Variants in PLN observed in about 807,000 individuals in gnomAD.
PLN encodes the protein phospholamban, also known as cardiac phospholamban.
A neutral mutation model predicts 3.9 loss-of-function variants in PLN; 1 was observed. The ratio of observed to expected loss-of-function variants is 0.26; its 90% CI spans 0.09 to 1.23. PLN has a LOEUF of 1.23. Among genes scored for constraint, PLN ranks in the 50% most tolerant of loss-of-function variants. The pLI, the probability that PLN is intolerant of heterozygous loss-of-function variation, is 0.48. For synonymous variants in PLN, 21 were observed against 20.5 expected, an observed-to-expected ratio of 1.02 and a Z score of -0.07; for missense variants, 59 against 62.7, an observed-to-expected ratio of 0.94 and a Z score of 0.20.
intron 1 of PLN, among the ~76,000 whole-genome samples, chr6:118,558,056 C>T (rs1031301037): frequency 8.6e-4 from 130 of 151,960 alleles, no homozygotes; most frequent in African/African-American, 3.0e-3. Context: ...CCCCTGCCTC[C>T]TGGGCTCCAG....
At chr6:118,556,734 A>G (rs1778901531) in intron 1 of PLN, among the ~76,000 whole-genome samples, 1 of 152,198 alleles carries the variant, frequency 6.6e-6, no homozygotes. Context: ...GTTAACAGTC[A>G]CTATGTCTGG....
Position 118,559,118 on chromosome 6 carries a change from T to C in PLN, c.*38T>C. The stretch of plus-strand genomic sequence containing the variant: ...ACCTCTAGATCTGCAGCTTGCCACA[T>C]CAGCTTAAAATCTGTCATCCCATGC... On this transcript the variant is annotated 3_prime_UTR_variant, in exon 2 of 2. Coordinates refer to ENST00000357525, the MANE Select transcript of PLN (RefSeq NM_002667.5). The C allele has an allele frequency of 1.3e-6, 2 of 1,531,584 alleles. No homozygotes were observed. The highest frequency in any genetic ancestry group is 4.5e-5 in the East Asian group (2 of 44,442). The allele number at this position is 1,531,584 out of a possible 1,614,324, so 94.9% of individuals were successfully genotyped here.
In PLN at chr6:118,553,809, C is replaced by A. The variant is rs559467083; in HGVS notation, c.-97-5016C>A. ...CTCTGTATTTCACAAATACTAAAAACCCATTTATACAAAGCCTAGTTCAGG... is the reference window on the plus strand; with the variant it reads ...CTCTGTATTTCACAAATACTAAAAAACCATTTATACAAAGCCTAGTTCAGG... On this transcript the variant is annotated intron_variant, in intron 1 of 1. Coordinates refer to ENST00000357525, the MANE Select transcript of PLN (RefSeq NM_002667.5). 2.8e-4 allele frequency among the ~76,000 whole-genome samples: 43 copies of A among 152,186 alleles called. 1 individual carries two copies. The highest frequency in any genetic ancestry group is 8.5e-4 in the Admixed American group (13 of 15,292).
rs577926024 is a variant in PLN, at chr6:118,555,215, A to G, written c.-97-3610A>G. 3.9e-5 allele frequency among the ~76,000 whole-genome samples: 6 copies of G among 152,222 alleles called. No homozygotes were observed. The South Asian group carries it at 1.2e-3, about 32-fold the overall frequency. ...GGGAGGCCGAGGCGGGTGGATCACG[A>G]GGTCGGGAGATCGAGACCATCCTGG... On this transcript the variant is annotated intron_variant, in intron 1 of 1. Coordinates refer to ENST00000357525, the MANE Select transcript of PLN (RefSeq NM_002667.5).
rs892703230 is a variant in PLN, at chr6:118,551,345, GACTA to G, written c.-98+2957_-98+2960del. Among the ~76,000 whole-genome samples the G allele has an allele frequency of 1.2e-3, 188 of 151,810 alleles. 1 individual carries two copies. Among genetic ancestry groups the G allele is most frequent in the African/African-American group, 4.5e-3 (185 of 41,482 alleles). On this transcript the variant is annotated intron_variant, in intron 1 of 1. Transcript: ENST00000357525. Reference sequence around the variant, plus strand: ...CAACCCCCGCACAAAAAAAAAGGTTGACTAACTCACTCACATTAATAGGGGGTAT... The same window carrying G: ...CAACCCCCGCACAAAAAAAAAGGTTGACTCACTCACATTAATAGGGGGTAT...
chr6:118,548,622 T>C (rs945881516), intron 1 of PLN, among the ~76,000 whole-genome samples: 4 of 152,132 alleles, frequency 2.6e-5, no homozygotes, highest in Admixed American at 2.6e-4. Context: ...TCTTTGATCC[T>C]GGTTACTGGT....
At chr6:118,556,902 G>A (rs1778911996) in intron 1 of PLN, among the ~76,000 whole-genome samples, 1 of 152,044 alleles carries the variant, frequency 6.6e-6, no homozygotes, top group African/African-American at 2.4e-5. Context: ...TAATTTTTCT[G>A]TAATGACATG....
Position 118,559,305 on chromosome 6 carries a change from T to TA in PLN, c.*227dup, listed in dbSNP as rs1779091685. 9.4e-6 allele frequency: 5 copies of TA among 533,832 alleles called. No individual in the cohort carries two copies. In the East Asian group the frequency reaches 1.7e-4, roughly 18 times the overall value. 33.1% of individuals were successfully genotyped at this position (533,832 alleles called of 1,614,324 possible). A position where few individuals can be genotyped will look rare whatever the true frequency, so the allele number is the denominator to read the frequency against. ...TTATTTTCAAAAATTAACTTCAAAA[T>TA]AAGTGTATAAAATGCAACTGTTGAT... On this transcript the variant is annotated 3_prime_UTR_variant, in exon 2 of 2. Transcript: ENST00000357525.
intron 1 of PLN, among the ~76,000 whole-genome samples, chr6:118,549,479 T>C (rs979521946): frequency 6.6e-6 from 1 of 151,850 alleles, no homozygotes; most frequent in African/African-American, 2.4e-5. Context: ...ATATTTCATA[T>C]ATATGTTAAA....
At chr6:118,551,317 C>G (rs2114929790) in intron 1 of PLN, among the ~76,000 whole-genome samples, 1 of 151,790 alleles carries the variant, frequency 6.6e-6, no homozygotes, top group Admixed American at 6.6e-5. Flanking sequence ...AGTTTTCAAC[C>G]CCCAACCCCC....
chr6:118,552,362 C>T (rs1482807207), intron 1 of PLN, among the ~76,000 whole-genome samples: 2 of 152,056 alleles, frequency 1.3e-5, no homozygotes, highest in African/African-American at 4.8e-5. Context: ...TAATGCTCAG[C>T]ATATACAACA....
chr6:118,549,922 T>C (rs942077110), intron 1 of PLN, among the ~76,000 whole-genome samples: 1 of 151,924 alleles, frequency 6.6e-6, no homozygotes, highest in Non-Finnish European at 1.5e-5. Context: ...CAGAGACTGC[T>C]AAAATTTCAA....
At chr6:118,554,082 G>C (rs1363724649) in intron 1 of PLN, among the ~76,000 whole-genome samples, 2 of 152,152 alleles carry the variant, frequency 1.3e-5, no homozygotes, top group Admixed American at 6.5e-5. Flanking sequence ...GAGCTCAGGA[G>C]TTTGAGACCA....
rs912882797 is a variant in PLN at position 118,560,696 on chromosome 6, T to G, written c.*1616T>G. On this transcript the variant is annotated 3_prime_UTR_variant, in exon 2 of 2. Coordinates refer to ENST00000357525, the MANE Select transcript of PLN (RefSeq NM_002667.5). ...CTGAGCTAAATTATAGATCCAGCTA[T>G]GCTATTTATAATTATTTTCTTGATG... 6.0e-6 allele frequency: 1 copy of G among 166,520 alleles called. No homozygotes were observed. Among genetic ancestry groups the G allele is most frequent in the Non-Finnish European group, 1.5e-5 (1 of 68,116 alleles). The allele number at this position is 166,520 out of a possible 1,614,324, so 10.3% of individuals were successfully genotyped here. A position where few individuals can be genotyped will look rare whatever the true frequency, so the allele number is the denominator to read the frequency against.
intron 1 of PLN, among the ~76,000 whole-genome samples, chr6:118,558,066 G>A (rs11753886): frequency 0.23 from 34,916 of 151,540 alleles, 4,838 homozygotes; most frequent in Non-Finnish European, 0.32. Context: ...CTGGGCTCCA[G>A]CGATCCTCCC....
Position 118,561,620 on chromosome 6 carries a change from C to T in PLN, c.*2540C>T, listed in dbSNP as rs372219960. The stretch of plus-strand genomic sequence containing the variant: ...GGGCACTAAAAACAATTTTAAAATG[C>T]TTAATGTTGCCTTTTATATTTTAAT... On this transcript the variant is annotated 3_prime_UTR_variant, in exon 2 of 2. Coordinates refer to ENST00000357525, the MANE Select transcript of PLN (RefSeq NM_002667.5). 1.2e-4 allele frequency among the ~76,000 whole-genome samples: 18 copies of T among 152,086 alleles called. No homozygotes were observed. In the East Asian group the frequency reaches 3.3e-3, roughly 28 times the overall value.
intron 1 of PLN, among the ~76,000 whole-genome samples, chr6:118,550,436 T>C (rs567440840): frequency 6.6e-6 from 1 of 151,988 alleles, no homozygotes; most frequent in African/African-American, 2.4e-5. Flanking sequence ...TTAGACAATA[T>C]ATTACCAATC....
chr6:118,554,113 C>A (rs2114942913), intron 1 of PLN, among the ~76,000 whole-genome samples: 2 of 152,176 alleles, frequency 1.3e-5, no homozygotes, highest in Admixed American at 1.3e-4. Flanking sequence ...CACAGTGAAA[C>A]CCTGTCCCTA....
At position 118,551,368 on chromosome 6, in the gene PLN, G is replaced by A. The variant is rs552458771; in HGVS notation, c.-98+2976G>A. Among the ~76,000 whole-genome samples, 8 of 142,944 alleles carry A rather than the reference G, an allele frequency of 5.6e-5. No individual in the cohort carries two copies. The East Asian group carries it at 5.9e-4, about 10-fold the overall frequency. 93.8% of individuals were successfully genotyped at this position (142,944 alleles called of 152,430 possible). A position where few individuals can be genotyped will look rare whatever the true frequency, so the allele number is the denominator to read the frequency against. On this transcript the variant is annotated intron_variant, in intron 1 of 1. Transcript: ENST00000357525. ...TTGACTAACTCACTCACATTAATAG[G>A]GGGTATATTTATTAAGTGGCATTCA...
Sources: allele counts gnomAD v4.1 joint callset (sites outside exome capture counted in the v4.1 genomes callset), GRCh38; gene constraint gnomAD v4.1.1; transcripts MANE v1.5; gene names NCBI Gene and HGNC (gene_info 2026-07-23, HGNC 2026-07-21).